The following DOCK8 variants were observed in gnomAD, a reference collection of about 807,000 sequenced individuals.
DOCK8 encodes dedicator of cytokinesis protein 8.
DOCK8 carries 141 observed loss-of-function variants against 245.6 expected under a neutral mutation model. The observed-to-expected ratio is 0.57, with a 90% CI of 0.50 to 0.66. The LOEUF is 0.66. Ranked by LOEUF, DOCK8 falls within the 30% of genes least tolerant of loss-of-function variation. The pLI is 0.00. For missense variants in DOCK8, 2,965 were observed against 2,603.4 expected, an observed-to-expected ratio of 1.14 and a Z score of -3.02; for synonymous variants, 1,168 against 970.2, an observed-to-expected ratio of 1.20 and a Z score of -3.79.
intron 46 of DOCK8, among the ~76,000 whole-genome samples, chr9:457,745 A>G (rs560485149): frequency 1.3e-5 from 2 of 152,342 alleles, no homozygotes; most frequent in South Asian, 4.1e-4. Context: ...CTCATATTGT[A>G]CAAATAGTTC....
chr9:217,697 C>T (rs2046790633), intron 1 of DOCK8, among the ~76,000 whole-genome samples: 1 of 152,150 alleles, frequency 6.6e-6, no homozygotes, highest in Non-Finnish European at 1.5e-5. Flanking sequence ...TTTAATTTCA[C>T]CATTTATTGT....
intron 1 of DOCK8, among the ~76,000 whole-genome samples, chr9:260,124 A>G (rs977490785): frequency 3.3e-5 from 5 of 152,198 alleles, no homozygotes; most frequent in African/African-American, 9.7e-5. Context: ...AGCCTGGCCA[A>G]CTTCACATCT....
intron 4 of DOCK8, among the ~76,000 whole-genome samples, chr9:297,677 G>C (rs543444299): frequency 6.6e-6 from 1 of 152,252 alleles, no homozygotes; most frequent in Admixed American, 6.5e-5. Flanking sequence ...TCTGTGGCCA[G>C]CACTTCTGGA....
chr9:312,576 T>A (rs2050174606), intron 6 of DOCK8: 1 of 371,982 alleles, frequency 2.7e-6, no homozygotes, highest in Non-Finnish European at 5.2e-6. Flanking sequence ...TTTGTTACTT[T>A]CTTTTTAATG....
intron 34 of DOCK8, among the ~76,000 whole-genome samples, chr9:428,093 C>G (rs2056565383): frequency 1.3e-5 from 2 of 152,160 alleles, no homozygotes; most frequent in South Asian, 4.1e-4. Flanking sequence ...AAAGATGTGA[C>G]CCAGGATGAG....
In DOCK8 at chr9:361,808, G is replaced by C. The variant is rs116301717; in HGVS notation, c.1680-6210G>C. 6.5e-3 allele frequency among the ~76,000 whole-genome samples: 992 copies of C among 152,096 alleles called. 17 individuals carry two copies. The highest frequency in any genetic ancestry group is 0.022 in the African/African-American group (913 of 41,474). The stretch of plus-strand genomic sequence containing the variant: ...CCAAAATTGACACCAATTTTATTTC[G>C]AAATAAAATCTACTTTTTTCACTTT... On this transcript the variant is annotated intron_variant, in intron 14 of 47. Coordinates refer to ENST00000432829, the MANE Select transcript of DOCK8 (RefSeq NM_203447.4).
rs2057742992 is a variant in DOCK8, at chr9:459,621, G to C, written c.6069-3896G>C. ...GAGGTGTATTGTGGCCATGAGAATG[G>C]TTTTGCTGCAACTTGGGGTTGGCTG... On this transcript the variant is annotated intron_variant, in intron 46 of 47. Transcript: ENST00000432829. 3 of 152,272 alleles carry C rather than the reference G, an allele frequency of 2.0e-5. No individual in the cohort carries two copies. The South Asian group carries it at 6.2e-4, about 32-fold the overall frequency. The allele number at this position is 152,272 out of a possible 1,614,324, so 9.4% of individuals were successfully genotyped here.
intron 5 of DOCK8, among the ~76,000 whole-genome samples, chr9:307,418 G>T (rs1446390222): frequency 8.2e-6 from 1 of 122,012 alleles, no homozygotes; most frequent in Non-Finnish European, 1.6e-5. Flanking sequence ...GAGTGCAATG[G>T]CATGATCTCG....
rs115589975 is a variant in DOCK8, at chr9:267,050, G to C, written c.54-4577G>C. On this transcript the variant is annotated intron_variant, in intron 1 of 47. Coordinates refer to ENST00000432829, the MANE Select transcript of DOCK8 (RefSeq NM_203447.4). ...CCCCCTTCACTAGGACCAGGGTAGA[G>C]ATGAAGAAGGTTGATTTGGACATTG... 8.8e-3 allele frequency among the ~76,000 whole-genome samples: 1,345 copies of C among 152,298 alleles called. 18 individuals carry two copies. The highest frequency in any genetic ancestry group is 0.03 in the African/African-American group (1,236 of 41,540).
intron 4 of DOCK8, among the ~76,000 whole-genome samples, chr9:303,154 T>C (rs1237664104): frequency 6.6e-6 from 1 of 151,368 alleles, no homozygotes; most frequent in African/African-American, 2.4e-5. Context: ...AACGAGACCC[T>C]GTCTCAAGAA....
At chr9:284,038 C>T (rs2048706892) in intron 2 of DOCK8, among the ~76,000 whole-genome samples, 1 of 152,128 alleles carries the variant, frequency 6.6e-6, no homozygotes, top group Non-Finnish European at 1.5e-5. Flanking sequence ...ATAATTATTA[C>T]TTAAATGGGT....
intron 1 of DOCK8, among the ~76,000 whole-genome samples, chr9:265,768 G>A (rs1164409653): frequency 6.6e-6 from 1 of 152,094 alleles, no homozygotes; most frequent in Non-Finnish European, 1.5e-5. Flanking sequence ...GGAGTAGCTC[G>A]TGGTGCTGAT....
intron 1 of DOCK8, among the ~76,000 whole-genome samples, chr9:248,561 CTTTCTTTCTTTCTCTCTCTCTGTCTT>C (rs1563839356): frequency 1.8e-5 from 2 of 108,986 alleles, no homozygotes; most frequent in African/African-American, 6.4e-5. Context: ...CTCTCTCTCT[CTTTCTTTCTTTCTCTCTCTCTGTCTT>C]TCTTTCTCTC....
chr9:226,308 A>G (rs899795313), intron 1 of DOCK8, among the ~76,000 whole-genome samples: 2 of 152,168 alleles, frequency 1.3e-5, no homozygotes, highest in Non-Finnish European at 2.9e-5. Context: ...ACCTGCCTCC[A>G]TGATTCAATT....
intron 4 of DOCK8, among the ~76,000 whole-genome samples, chr9:290,641 A>G (rs190820862): frequency 6.6e-6 from 1 of 152,324 alleles, no homozygotes; most frequent in Non-Finnish European, 1.5e-5. Context: ...ATCTATGCAC[A>G]TTGAAATTCT....
In DOCK8 at chr9:382,643, C is replaced by G. The variant is rs747112580; in HGVS notation, c.2736C>G (p.His912Gln). 19 of 1,614,184 alleles carry G rather than the reference C, an allele frequency of 1.2e-5. No homozygotes were observed. The highest frequency in any genetic ancestry group is 1.5e-5 in the Non-Finnish European group (18 of 1,180,040). Residue 912 changes from histidine to glutamine, a missense_variant, in exon 22 of 48, where the codon CAC becomes CAG. His to Gln is a conservative substitution (Grantham distance 24, BLOSUM62 0). Coordinates refer to ENST00000432829, the MANE Select transcript of DOCK8 (RefSeq NM_203447.4). ...GTAACCCAGACCTCGCGGGGACACACTCCGCAGCAGACGAGGAAGTGAAGA... is the reference window on the plus strand; with the variant it reads ...GTAACCCAGACCTCGCGGGGACACAGTCCGCAGCAGACGAGGAAGTGAAGA... Reference protein sequence around the residue: ...SSSNPDLAGTHSAADEEVKNI... With the variant: ...SSSNPDLAGTQSAADEEVKNI...
At chr9:275,495 G>A (rs2048308487) in intron 2 of DOCK8, among the ~76,000 whole-genome samples, 1 of 152,088 alleles carries the variant, frequency 6.6e-6, no homozygotes, top group South Asian at 2.1e-4. Flanking sequence ...CTGGGGGTGG[G>A]GACCAAGCAT....
intron 1 of DOCK8, among the ~76,000 whole-genome samples, chr9:223,296 C>A (rs111929326): frequency 1.8e-4 from 28 of 152,306 alleles, no homozygotes; most frequent in South Asian, 2.1e-4. Flanking sequence ...AAGTCCTAGG[C>A]TGGTTAGTTC....
Position 441,294 on chromosome 9 carries a change from A to T in DOCK8, c.5232A>T (p.Leu1744Phe), listed in dbSNP as rs748798340. The T allele has an allele frequency of 9.9e-6, 16 of 1,614,098 alleles. No homozygotes were observed. Among genetic ancestry groups the T allele is most frequent in the Admixed American group, 3.3e-5 (2 of 59,996 alleles). Reference sequence around the variant, plus strand: ...CTTCTCCTCTTTCCAAGGGAGGCTTATATGAGACAGTTAATGAGGTCTACA... The same window carrying T: ...CTTCTCCTCTTTCCAAGGGAGGCTTTTATGAGACAGTTAATGAGGTCTACA... ...QAAELFSTGGLYETVNEVYKL... is the reference protein window; with the variant it reads ...QAAELFSTGGFYETVNEVYKL... The change falls in exon 41 of 48, where the codon TTA becomes TTT. Residue 1744 changes from leucine (L) to phenylalanine (F), a missense_variant. Transcript: ENST00000432829.
Sources: allele counts gnomAD v4.1 joint callset (sites outside exome capture counted in the v4.1 genomes callset), GRCh38; gene constraint gnomAD v4.1.1; transcripts MANE v1.5; gene names NCBI Gene and HGNC (gene_info 2026-07-23, HGNC 2026-07-21).